Variants in LRPAP1 observed in about 807,000 individuals in gnomAD.
LRPAP1 encodes the protein LDL receptor related protein associated protein 1, also known as alpha-2-macroglobulin receptor-associated protein.
Under a neutral mutation model 39.9 loss-of-function variants are expected in LRPAP1, and 41 were observed. That is an observed-to-expected ratio of 1.03 (90% CI 0.80 to 1.33). LRPAP1 has a LOEUF of 1.33. Among genes scored for constraint, LRPAP1 ranks in the 40% most tolerant of loss-of-function variants. The probability of loss-of-function intolerance (pLI) is 0.00; values close to 1 mark genes in which losing one functional copy is unlikely to be tolerated. For missense variants in LRPAP1, 565 were observed against 482.3 expected (o/e 1.17, Z -1.61); for synonymous variants, 263 against 212.7 (o/e 1.24, Z -2.06).
At chr4:3,521,048 C>G (rs932639700) in intron 2 of LRPAP1, among the ~76,000 whole-genome samples, 1 of 152,234 alleles carries the variant, frequency 6.6e-6, no homozygotes, top group Admixed American at 6.5e-5. Flanking sequence ...TAGCTCTCCC[C>G]AGGCCCCAAT....
At chr4:3,516,707 G>A (rs1041876340) in intron 5 of LRPAP1, among the ~76,000 whole-genome samples, 10 of 152,202 alleles carry the variant, frequency 6.6e-5, no homozygotes, top group Non-Finnish European at 1.0e-4. Context: ...AAACCAAGAC[G>A]GCTCCTGGAC....
intron 5 of LRPAP1, 28 bp downstream of exon 5, chr4:3,518,006 G>A: frequency 1.3e-6 from 2 of 1,571,088 alleles, no homozygotes; most frequent in Non-Finnish European, 8.6e-7. Context: ...CCACCCTCGG[G>A]AACCAACAGT....
chr4:3,527,385 C>A (rs1730108885), intron 1 of LRPAP1, among the ~76,000 whole-genome samples: 1 of 152,226 alleles, frequency 6.6e-6, no homozygotes, highest in Non-Finnish European at 1.5e-5. Flanking sequence ...AATGAGGCAC[C>A]TGAGTGACGC....
intron 1 of LRPAP1, among the ~76,000 whole-genome samples, chr4:3,526,886 C>T (rs576813516): frequency 2.0e-4 from 30 of 152,276 alleles, no homozygotes; most frequent in African/African-American, 7.0e-4. Flanking sequence ...CTGTGGCTGC[C>T]CTAGCCACAC....
chr4:3,514,290 C>G (rs1017816043), intron 7 of LRPAP1, among the ~76,000 whole-genome samples: 2 of 152,254 alleles, frequency 1.3e-5, no homozygotes, highest in Non-Finnish European at 2.9e-5. Flanking sequence ...CCAGAAAGAA[C>G]TTGGCATGAG....
At chr4:3,529,606 T>C (rs190647195) in intron 1 of LRPAP1, among the ~76,000 whole-genome samples, 79 of 152,230 alleles carry the variant, frequency 5.2e-4, no homozygotes, top group Middle Eastern at 3.4e-3. Flanking sequence ...TGCAACACAG[T>C]GGAGCCCGCC....
chr4:3,516,934 G>A (rs1480099881), intron 5 of LRPAP1, among the ~76,000 whole-genome samples: 1 of 152,240 alleles, frequency 6.6e-6, no homozygotes, highest in South Asian at 2.1e-4. Context: ...TGCAGGAGCC[G>A]CTGGACACAA....
At chr4:3,516,229 A>G in intron 5 of LRPAP1, 31 bp from the exon 6 acceptor site, 1 of 1,533,978 alleles carries the variant, frequency 6.5e-7, no homozygotes. Flanking sequence ...TGGCCTCAGC[A>G]GCACCCGGGG....
In LRPAP1 at chr4:3,532,240, T is replaced by C; in HGVS notation, c.173A>G (p.Lys58Arg). 6.4e-7 allele frequency: 1 copy of C among 1,551,220 alleles called. No homozygotes were observed. Among genetic ancestry groups the C allele is most frequent in the Non-Finnish European group, 8.7e-7 (1 of 1,147,032 alleles). Residue 58 changes from lysine to arginine, a missense_variant, in exon 1 of 8, where the codon AAG becomes AGG. Lys to Arg is a conservative substitution (Grantham distance 26). Transcript: ENST00000650182. ...RESGEEFRMEKLNQLWEKAQR... is the reference protein window; with the variant it reads ...RESGEEFRMERLNQLWEKAQR... Reference sequence around the variant, plus strand: ...GGCCTTCTCCCACAGCTGGTTCAACTTCTCCATGCGGAACTCCTCTCCGGA... The same window carrying C: ...GGCCTTCTCCCACAGCTGGTTCAACCTCTCCATGCGGAACTCCTCTCCGGA...
At chr4:3,514,034 C>G (rs773191303) in intron 7 of LRPAP1, among the ~76,000 whole-genome samples, 2 of 152,230 alleles carry the variant, frequency 1.3e-5, no homozygotes. Flanking sequence ...TCCATCCCCG[C>G]GTCTCGCGGG....
At chr4:3,525,122 G>A (rs1730042250) in intron 1 of LRPAP1, 71 bp from the exon 2 acceptor site, 5 of 1,577,788 alleles carry the variant, frequency 3.2e-6, no homozygotes, top group South Asian at 2.2e-5. Context: ...AACTGACCTC[G>A]GAGGAGGCTG....
intron 5 of LRPAP1, among the ~76,000 whole-genome samples, chr4:3,516,566 T>A (rs928904211): frequency 6.6e-6 from 1 of 152,080 alleles, no homozygotes; most frequent in African/African-American, 2.4e-5. Flanking sequence ...GGACCTCGGG[T>A]GGGGGCACCT....
At position 3,513,051 on chromosome 4, in the gene LRPAP1, G is replaced by A. The variant is rs200858980; in HGVS notation, c.1012-15C>T. 117 of 1,608,260 alleles carry A rather than the reference G, an allele frequency of 7.3e-5. No individual in the cohort carries two copies. In the African/African-American group the frequency reaches 8.9e-4, roughly 12 times the overall value. ...TGCTTCTTCACCTGTGGACAGAAAC[G>A]TCTCATCAGCTGGGGACAGCGCGCC... is the stretch of plus-strand genomic sequence containing the variant. On this transcript the variant is annotated splice_polypyrimidine_tract_variant and intron_variant, in intron 7 of 7. Transcript: ENST00000650182.
Position 3,512,865 on chromosome 4 carries a change from T to C in LRPAP1, c.*109A>G. On this transcript the variant is annotated 3_prime_UTR_variant, in exon 8 of 8. Transcript: ENST00000650182. ...ACAATCCTTCCTGCCTCGACACCCG[T>C]GCCAGCCCCAGCCACCCTGACGGCG... 1 of 908,674 alleles carries C rather than the reference T, an allele frequency of 1.1e-6. No individual in the cohort carries two copies. Among genetic ancestry groups the C allele is most frequent in the Non-Finnish European group, 1.7e-6 (1 of 595,304 alleles). The allele number at this position is 908,674 out of a possible 1,614,324, so 56.3% of individuals were successfully genotyped here.
At chr4:3,527,668 C>T (rs563295356) in intron 1 of LRPAP1, among the ~76,000 whole-genome samples, 1 of 152,330 alleles carries the variant, frequency 6.6e-6, no homozygotes, top group South Asian at 2.1e-4. Context: ...CTTGAGGGGC[C>T]CCGGGTCTGC....
At chr4:3,525,862 TG>T (rs1471500258) in intron 1 of LRPAP1, among the ~76,000 whole-genome samples, 1 of 152,262 alleles carries the variant, frequency 6.6e-6, no homozygotes, top group Non-Finnish European at 1.5e-5. Context: ...TCAGAAAGAC[TG>T]GGCCAGAATG....
At chr4:3,529,872 G>A (rs1025268656) in intron 1 of LRPAP1, among the ~76,000 whole-genome samples, 1 of 152,176 alleles carries the variant, frequency 6.6e-6, no homozygotes, top group African/African-American at 2.4e-5. Context: ...AGAAAACAGG[G>A]ACACGATGTT....
chr4:3,523,685 A>AAG (rs1729989393), intron 2 of LRPAP1, among the ~76,000 whole-genome samples: 2 of 152,138 alleles, frequency 1.3e-5, no homozygotes, highest in Admixed American at 1.3e-4. Flanking sequence ...AGGCCTAACG[A>AAG]AGGAACTCCG....
chr4:3,532,056 A>G (rs1216422308), intron 1 of LRPAP1, 153 bp downstream of exon 1: 3 of 840,278 alleles, frequency 3.6e-6, no homozygotes, highest in Non-Finnish European at 5.3e-6. Context: ...CCCACCTGAC[A>G]CTTGGGGGAG....
Sources: gnomAD v4.1 joint callset for allele counts (sites outside exome capture counted in the v4.1 genomes callset) on GRCh38, gnomAD v4.1.1 for gene constraint, MANE v1.5 for transcripts, NCBI Gene and HGNC (gene_info 2026-07-23, HGNC 2026-07-21) for gene names.